TBC1D2B: variants seen among roughly 807,000 people sequenced by gnomAD.
The protein encoded by TBC1D2B is TBC1 domain family, member 2B.
In TBC1D2B, 64 loss-of-function variants were observed where a neutral mutation model predicts 100.8. That is an observed-to-expected ratio of 0.64 (90% CI 0.52 to 0.78). The LOEUF (loss-of-function observed/expected upper bound fraction) is 0.78. TBC1D2B is among the 30% of genes least tolerant of loss of function. TBC1D2B has a pLI of 0.00. For missense variants in TBC1D2B, 1,052 were observed against 1,218.4 expected (o/e 0.86, Z 2.03); for synonymous variants, 480 against 479.7 (o/e 1.00, Z -0.01).
chr15:78,024,111 G>A (rs1452000842), intron 6 of TBC1D2B, 45 bp downstream of exon 6: 45 of 1,559,032 alleles, frequency 2.9e-5, no homozygotes, highest in South Asian at 1.9e-4. Context: ...GGGTGACATC[G>A]GTGGTCTCTC....
intron 10 of TBC1D2B, among the ~76,000 whole-genome samples, chr15:78,005,557 A>G (rs1473978179): frequency 6.6e-6 from 1 of 152,190 alleles, no homozygotes; most frequent in African/African-American, 2.4e-5. Context: ...CACCCACCTG[A>G]TGGAATATTA....
chr15:78,035,259 C>T (rs1356103917), intron 3 of TBC1D2B, among the ~76,000 whole-genome samples: 2 of 152,310 alleles, frequency 1.3e-5, no homozygotes, highest in African/African-American at 2.4e-5. Context: ...AACCTCTTTC[C>T]GGTGGAGGTC....
chr15:78,072,881 C>T (rs1248446839), intron 1 of TBC1D2B, among the ~76,000 whole-genome samples: 1 of 152,156 alleles, frequency 6.6e-6, no homozygotes, highest in Non-Finnish European at 1.5e-5. Flanking sequence ...CTGCTAGACC[C>T]TTGCAGCAGT....
chr15:78,059,405 G>A (rs549045849), intron 1 of TBC1D2B, among the ~76,000 whole-genome samples: 17 of 152,304 alleles, frequency 1.1e-4, no homozygotes, highest in Non-Finnish European at 1.6e-4. Flanking sequence ...ATCCCAATAT[G>A]AGACCAAGCT....
chr15:78,025,549 C>A (rs549591538), intron 4 of TBC1D2B, 52 bp from the exon 5 acceptor site: 31 of 1,344,890 alleles, frequency 2.3e-5, no homozygotes, highest in Non-Finnish European at 2.9e-5. Context: ...ATTTTTGAGA[C>A]GGAGTGTCGG....
chr15:78,038,716 G>C (rs947642032), intron 3 of TBC1D2B, among the ~76,000 whole-genome samples: 1 of 152,172 alleles, frequency 6.6e-6, no homozygotes, highest in African/African-American at 2.4e-5. Context: ...TGGCCCAATT[G>C]CTCCCTTGGT....
intron 3 of TBC1D2B, among the ~76,000 whole-genome samples, chr15:78,039,325 A>G (rs1020004825): frequency 1.3e-5 from 2 of 152,198 alleles, no homozygotes; most frequent in African/African-American, 4.8e-5. Context: ...CACTGTCATG[A>G]CTTTACGGTC....
chr15:78,070,884 G>A (rs1261383665), intron 1 of TBC1D2B, among the ~76,000 whole-genome samples: 6 of 152,242 alleles, frequency 3.9e-5, no homozygotes, highest in Non-Finnish European at 7.4e-5. Flanking sequence ...GTGCAATGGC[G>A]CCACCTCAGC....
chr15:78,041,922 C>T (rs1368817797), intron 3 of TBC1D2B, among the ~76,000 whole-genome samples: 1 of 152,170 alleles, frequency 6.6e-6, no homozygotes, highest in Non-Finnish European at 1.5e-5. Flanking sequence ...TGCTATCAAT[C>T]TCATGATGTA....
At chr15:78,004,858 T>C (rs942964123) in intron 10 of TBC1D2B, among the ~76,000 whole-genome samples, 4 of 152,334 alleles carry the variant, frequency 2.6e-5, no homozygotes, top group East Asian at 3.9e-4. Flanking sequence ...CTGTGTGTAG[T>C]TGAAAAAATC....
At chr15:77,998,872 T>C (rs9920180) in intron 12 of TBC1D2B, 149,129 of 167,272 alleles carry the variant, frequency 0.89, 67,255 homozygotes, top group East Asian at 0.99. Flanking sequence ...CAGACCCAGT[T>C]GGCAATGTGA....
At chr15:78,027,896 G>C (rs903208501) in intron 4 of TBC1D2B, among the ~76,000 whole-genome samples, 1 of 152,158 alleles carries the variant, frequency 6.6e-6, no homozygotes, top group Admixed American at 6.5e-5. Flanking sequence ...AGCACATTCA[G>C]TGTGGCCACA....
At chr15:78,052,126 C>T (rs190888170) in intron 2 of TBC1D2B, among the ~76,000 whole-genome samples, 1 of 152,158 alleles carries the variant, frequency 6.6e-6, no homozygotes, top group Non-Finnish European at 1.5e-5. Context: ...GCTCACTCCC[C>T]ACAACTGCTT....
Position 78,054,015 on chromosome 15 carries a change from C to T in TBC1D2B, c.514+19G>A. The T allele has an allele frequency of 6.2e-7, 1 of 1,604,504 alleles. No homozygotes were observed. The highest frequency in any genetic ancestry group is 1.1e-5 in the South Asian group (1 of 89,546). On this transcript the variant is annotated intron_variant, in intron 2 of 12. Coordinates refer to ENST00000300584, the MANE Select transcript of TBC1D2B (RefSeq NM_144572.2). ...CTTACACAAAGAACTGACCCAGCTC[C>T]CCTTTATTTCTGCCTTACCAGTGTT...
At chr15:77,999,223 C>G (rs554356688) in intron 12 of TBC1D2B, 2 of 447,756 alleles carry the variant, frequency 4.5e-6, no homozygotes, top group East Asian at 1.4e-4. Context: ...AACAGACTCA[C>G]CAGCCCCAGG....
chr15:78,073,021 G>A lies in TBC1D2B; in HGVS notation c.360+4272C>T, dbSNP rs79012928. On this transcript the variant is annotated intron_variant, in intron 1 of 12. Transcript: ENST00000300584. Reference sequence around the variant, plus strand: ...CAATAGAAGGAAAGACTACTACTACGCCTTATCCGATCCCCAACAAAGTCA... The same window carrying A: ...CAATAGAAGGAAAGACTACTACTACACCTTATCCGATCCCCAACAAAGTCA... Among the ~76,000 whole-genome samples the A allele has an allele frequency of 6.1e-4, 93 of 152,252 alleles. No homozygotes were observed. In the East Asian group the frequency reaches 0.014, roughly 23 times the overall value.
At chr15:78,038,121 G>A (rs2072991855) in intron 3 of TBC1D2B, among the ~76,000 whole-genome samples, 1 of 152,220 alleles carries the variant, frequency 6.6e-6, no homozygotes, top group Non-Finnish European at 1.5e-5. Context: ...GCCCCTGGAA[G>A]GGTCTGGAGC....
intron 3 of TBC1D2B, among the ~76,000 whole-genome samples, chr15:78,038,253 T>C (rs1169375812): frequency 6.6e-6 from 1 of 152,074 alleles, no homozygotes; most frequent in Non-Finnish European, 1.5e-5. Context: ...GCTCCCAGCC[T>C]TGCAAGAGAG....
chr15:78,039,744 G>A (rs2073030018), intron 3 of TBC1D2B, among the ~76,000 whole-genome samples: 1 of 123,458 alleles, frequency 8.1e-6, no homozygotes, highest in South Asian at 2.6e-4. Context: ...CCAGTAGAGA[G>A]GCTTACTACA....
Sources: gnomAD v4.1 joint callset for allele counts (sites outside exome capture counted in the v4.1 genomes callset) on GRCh38, gnomAD v4.1.1 for gene constraint, MANE v1.5 for transcripts, NCBI Gene and HGNC (gene_info 2026-07-23, HGNC 2026-07-21) for gene names.